Variants in SLC22A31 observed in about 807,000 individuals in gnomAD.
The protein encoded by SLC22A31 is solute carrier family 22 member 31.
A neutral mutation model predicts 27.4 loss-of-function variants in SLC22A31; 42 were observed. The observed-to-expected ratio is 1.53, with a 90% CI of 1.20 to 1.98. The LOEUF is 1.98. Among genes scored for constraint, SLC22A31 ranks in the 30% most tolerant of loss-of-function variants. SLC22A31 has a pLI of 0.00. For synonymous variants in SLC22A31, 290 were observed against 230.8 expected, an observed-to-expected ratio of 1.26 and a Z score of -2.33; for missense variants, 593 against 479.9, an observed-to-expected ratio of 1.24 and a Z score of -2.20.
At chr16:89,198,863 G>C in intron 4 of SLC22A31, 66 bp from the exon 5 acceptor site, 3 of 1,499,654 alleles carry the variant, frequency 2.0e-6, no homozygotes, top group Non-Finnish European at 2.7e-6. Flanking sequence ...GCAAAGGCCA[G>C]GGCCCCCACC....
intron 8 of SLC22A31, 85 bp from the exon 9 acceptor site, chr16:89,196,390 T>C: frequency 1.3e-6 from 1 of 787,570 alleles, no homozygotes; most frequent in Non-Finnish European, 1.8e-6. Flanking sequence ...GGCCCCCCTG[T>C]GGGACAGAGT....
chr16:89,195,914 C>T lies in SLC22A31; in HGVS notation c.*85G>A, dbSNP rs142780658. The T allele has an allele frequency of 1.8e-3, 2,512 of 1,374,134 alleles. 3 individuals carry two copies. Among genetic ancestry groups the T allele is most frequent in the Non-Finnish European group, 2.3e-3 (2,396 of 1,044,018 alleles). 85.1% of individuals were successfully genotyped at this position (1,374,134 alleles called of 1,614,324 possible). ...CGGGCTTCTGAGAGGAATGTGTCTGCCCTGGACCAGACGTCTGGGGTACTC... is the reference window on the plus strand; with the variant it reads ...CGGGCTTCTGAGAGGAATGTGTCTGTCCTGGACCAGACGTCTGGGGTACTC... On this transcript the variant is annotated 3_prime_UTR_variant, in exon 9 of 9. Transcript: ENST00000682282.
In SLC22A31 at chr16:89,199,179, C is replaced by T. The variant is rs1916300822; in HGVS notation, c.296G>A (p.Cys99Tyr). 1 of 1,529,718 alleles carries T rather than the reference C, an allele frequency of 6.5e-7. No individual in the cohort carries two copies. Among genetic ancestry groups the T allele is most frequent in the Non-Finnish European group, 8.7e-7 (1 of 1,143,962 alleles). 94.8% of individuals were successfully genotyped at this position (1,529,718 alleles called of 1,614,324 possible). A position where few individuals can be genotyped will look rare whatever the true frequency, so the allele number is the denominator to read the frequency against. ...GAAGGCCAGGCGGTGGGGAGGGTCA[C>T]ACAACTCCAGGCCTGGGCAGACACA... ...LALYLARLEL[C>Y]DPPHRLAFSM... The change falls in exon 4 of 9, where the codon TGT (cysteine) becomes TAT (tyrosine). Residue 99 changes from cysteine (C) to tyrosine (Y), a missense_variant. Transcript: ENST00000682282.
chr16:89,196,562 C>T lies in SLC22A31; in HGVS notation c.1035-257G>A, dbSNP rs1406525250. 4.6e-5 allele frequency among the ~76,000 whole-genome samples: 7 copies of T among 152,320 alleles called. No homozygotes were observed. In the South Asian group the frequency reaches 8.3e-4, roughly 18 times the overall value. On this transcript the variant is annotated intron_variant, in intron 8 of 8. Transcript: ENST00000682282. ...GTGAGCAGGGGGAAGGCCCGGCCTC[C>T]GCACAGCCTAAGGTTTGCTGGCTGA...
rs1400092219 is a variant in SLC22A31 at position 89,198,339 on chromosome 16, G to A, written c.708-3C>T. The A allele has an allele frequency of 6.5e-7, 1 of 1,535,860 alleles. No homozygotes were observed. Among genetic ancestry groups the A allele is most frequent in the East Asian group, 2.4e-5 (1 of 40,920 alleles). Reference sequence around the variant, plus strand: ...CTCTGATGCCTCCACCAACCAGCCTGGGAGAGAGAGCAAATCTATGGGCCC... The same window carrying A: ...CTCTGATGCCTCCACCAACCAGCCTAGGAGAGAGAGCAAATCTATGGGCCC... On this transcript the variant is annotated splice_polypyrimidine_tract_variant and splice_region_variant and intron_variant, in intron 6 of 8. Transcript: ENST00000682282.
upstream of SLC22A31, chr16:89,201,508 C>G (rs992552591): frequency 2.5e-6 from 1 of 397,160 alleles, no homozygotes; most frequent in Non-Finnish European, 4.5e-6. Context: ...AGCGTGGGGT[C>G]CGGTCGGCAG....
In SLC22A31 at chr16:89,198,650, A is replaced by T; in HGVS notation, c.598+2T>A. Reference sequence around the variant, plus strand: ...CTCCCTCCTCCCTGGTAGGCGCCTGACCTGTAGCCAGGGAGTTCTCCTCCA... The same window carrying T: ...CTCCCTCCTCCCTGGTAGGCGCCTGTCCTGTAGCCAGGGAGTTCTCCTCCA... On this transcript the variant is annotated splice_donor_variant, in intron 5 of 8. Transcript: ENST00000682282. LOFTEE classifies it high-confidence loss of function. 1 of 1,535,016 alleles carries T rather than the reference A, an allele frequency of 6.5e-7. No individual in the cohort carries two copies.
Position 89,196,490 on chromosome 16 carries a change from G to A in SLC22A31, c.1035-185C>T, listed in dbSNP as rs1248310605. On this transcript the variant is annotated intron_variant, in intron 8 of 8. Transcript: ENST00000682282. ...CCTCTGTGGGAGAGAGTGCGTTGGG[G>A]GCAGCTGGTGGGGCAACAGATTGGG... The A allele has an allele frequency of 9.7e-6, 11 of 1,132,144 alleles. No homozygotes were observed. The East Asian group carries it at 2.4e-4, about 24-fold the overall frequency. 70.1% of individuals were successfully genotyped at this position (1,132,144 alleles called of 1,614,324 possible).
chr16:89,198,182 G>T lies in SLC22A31; in HGVS notation c.862C>A (p.Leu288Met), dbSNP rs761679860. 1 of 1,535,538 alleles carries T rather than the reference G, an allele frequency of 6.5e-7. No homozygotes were observed. The highest frequency in any genetic ancestry group is 1.2e-5 in the South Asian group (1 of 84,050). Residue 288 changes from leucine (L) to methionine (M), a missense_variant, in exon 7 of 9, where the codon CTG becomes ATG. By Grantham distance (15) the Leu-to-Met change is conservative (BLOSUM62 2). Transcript: ENST00000682282. ...CCTGTGACCATGGTGCCCAGCAGCA[G>T]CACGGGGCGGCGTCCACAGCAATCT... ...TADCCGRRPV[L>M]LLGTMVTGLA... is the part of the protein sequence containing the mutation.
chr16:89,196,695 C>T lies in SLC22A31; in HGVS notation c.1035-390G>A, dbSNP rs183446912. Among the ~76,000 whole-genome samples the T allele has an allele frequency of 4.0e-3, 605 of 152,250 alleles. 1 individual carries two copies. Among genetic ancestry groups the T allele is most frequent in the Non-Finnish European group, 7.0e-3 (475 of 67,996 alleles). On this transcript the variant is annotated intron_variant, in intron 8 of 8. Coordinates refer to ENST00000682282, the MANE Select transcript of SLC22A31 (RefSeq NM_001384763.1). The stretch of plus-strand genomic sequence containing the variant: ...GGGCACAGTGGCTCATGCCTGTAAT[C>T]CCAGCACTTTGGGAGGCCAAGGCAG...
chr16:89,201,397 G>A (rs1916604505), upstream of SLC22A31: 1 of 367,858 alleles, frequency 2.7e-6, no homozygotes, highest in Non-Finnish European at 4.8e-6. Flanking sequence ...TCGGGGTAGC[G>A]CAGGAGCAGG....
Position 89,197,346 on chromosome 16 carries a change from G to C in SLC22A31, c.986C>G (p.Ser329Cys). The change falls in exon 8 of 9, where the codon TCC becomes TGC. Residue 329 changes from serine (S) to cysteine (C), a missense_variant. Transcript: ENST00000682282. ...VLGLLASRAV[S>C]ALSSLFAAEV... The stretch of plus-strand genomic sequence containing the variant: ...GGCCGCGAAGAGGCTGCTGAGTGCG[G>C]ACACAGCCCGGGAGGCCAGGAGCCC... 6.5e-7 allele frequency: 1 copy of C among 1,535,866 alleles called. No homozygotes were observed. The highest frequency in any genetic ancestry group is 8.7e-7 in the Non-Finnish European group (1 of 1,146,850).
At position 89,195,906 on chromosome 16, in the gene SLC22A31, T is replaced by G. The variant is rs990771821; in HGVS notation, c.*93A>C. 8 of 1,330,526 alleles carry G rather than the reference T, an allele frequency of 6.0e-6. No homozygotes were observed. The Admixed American group carries it at 1.5e-4, about 24-fold the overall frequency. 82.4% of individuals were successfully genotyped at this position (1,330,526 alleles called of 1,614,324 possible). ...CTGAGACACGGGCTTCTGAGAGGAA[T>G]GTGTCTGCCCTGGACCAGACGTCTG... On this transcript the variant is annotated 3_prime_UTR_variant, in exon 9 of 9. Transcript: ENST00000682282.
chr16:89,200,570 G>C (rs1916488309), upstream of SLC22A31, among the ~76,000 whole-genome samples: 1 of 152,316 alleles, frequency 6.6e-6, no homozygotes, highest in South Asian at 2.1e-4. Flanking sequence ...GGAGAGAGAA[G>C]CCCGGCGGGT....
upstream of SLC22A31, chr16:89,201,648 C>T (rs989241755): frequency 1.9e-3 from 769 of 397,316 alleles, 4 homozygotes; most frequent in East Asian, 0.027. Flanking sequence ...TCTCAGCACC[C>T]GCGCCTCCTG....
upstream of SLC22A31, chr16:89,201,521 G>A (rs1916616019): frequency 2.5e-6 from 1 of 397,748 alleles, no homozygotes; most frequent in Admixed American, 4.4e-5. Context: ...GTCGGCAGTG[G>A]GGCGCGGGCT....
In SLC22A31 at chr16:89,197,216, C is replaced by A. The variant is rs999358569; in HGVS notation, c.1034+82G>T. 1.1e-5 allele frequency: 12 copies of A among 1,098,492 alleles called. No homozygotes were observed. In the African/African-American group the frequency reaches 1.6e-4, roughly 14 times the overall value. The allele number at this position is 1,098,492 out of a possible 1,614,324, so 68.0% of individuals were successfully genotyped here. A position where few individuals can be genotyped will look rare whatever the true frequency, so the allele number is the denominator to read the frequency against. On this transcript the variant is annotated intron_variant, in intron 8 of 8. Coordinates refer to ENST00000682282, the MANE Select transcript of SLC22A31 (RefSeq NM_001384763.1). ...CAGGAACCTGGGTGGGGTATGGGGACAGGGCCTCCTGTCCACCTGGCCCCT... is the reference window on the plus strand; with the variant it reads ...CAGGAACCTGGGTGGGGTATGGGGAAAGGGCCTCCTGTCCACCTGGCCCCT...
chr16:89,198,404 G>C (rs761587721), intron 6 of SLC22A31, 38 bp downstream of exon 6: 2 of 1,527,058 alleles, frequency 1.3e-6, no homozygotes, highest in Admixed American at 2.0e-5. Context: ...TGCCCACCCC[G>C]GGGGATGGTG....
Position 89,195,817 on chromosome 16 carries a change from G to T in SLC22A31, c.*182C>A. ...TGGGTGTGGCTGGGGGGAGACCCAG[G>T]GCCTCCCAGTGCCTGGGGCCTGGCT... On this transcript the variant is annotated 3_prime_UTR_variant, in exon 9 of 9. Coordinates refer to ENST00000682282, the MANE Select transcript of SLC22A31 (RefSeq NM_001384763.1). 1 of 616,388 alleles carries T rather than the reference G, an allele frequency of 1.6e-6. No individual in the cohort carries two copies. Among genetic ancestry groups the T allele is most frequent in the Non-Finnish European group, 2.6e-6 (1 of 383,542 alleles). 38.2% of individuals were successfully genotyped at this position (616,388 alleles called of 1,614,324 possible).
Sources: allele counts gnomAD v4.1 joint callset (sites outside exome capture counted in the v4.1 genomes callset), GRCh38; gene constraint gnomAD v4.1.1; transcripts MANE v1.5; gene names NCBI Gene and HGNC (gene_info 2026-07-23, HGNC 2026-07-21).